SGPL1: variants seen among roughly 807,000 people sequenced by gnomAD.
The protein encoded by SGPL1 is sphingosine-1-phosphate lyase 1.
SGPL1 carries 37 observed loss-of-function variants against 68.9 expected under a neutral mutation model. The observed-to-expected ratio is 0.54, with a 90% CI of 0.41 to 0.71. SGPL1 has a LOEUF of 0.71. Among genes scored for constraint, SGPL1 ranks in the 30% least tolerant of loss-of-function variants. SGPL1 has a pLI of 0.00. For synonymous variants in SGPL1, 236 were observed against 248.5 expected, an observed-to-expected ratio of 0.95 and a Z score of 0.47; for missense variants, 551 against 704.6, an observed-to-expected ratio of 0.78 and a Z score of 2.47.
chr10:70,847,135 G>GT (rs927059230), intron 3 of SGPL1, among the ~76,000 whole-genome samples: 117 of 148,340 alleles, frequency 7.9e-4, no homozygotes, highest in Admixed American at 2.4e-3. Context: ...GCCATTTGAG[G>GT]TTTTTTTTTT....
At chr10:70,824,098 C>G (rs1025066375) in intron 2 of SGPL1, among the ~76,000 whole-genome samples, 1 of 152,180 alleles carries the variant, frequency 6.6e-6, no homozygotes, top group Non-Finnish European at 1.5e-5. Flanking sequence ...CTGTTCCTAT[C>G]AAAAGACCAT....
rs1157177608 is a variant in SGPL1, at chr10:70,826,228, A to C, written c.27+9348A>C. On this transcript the variant is annotated intron_variant, in intron 2 of 14. Coordinates refer to ENST00000373202, the MANE Select transcript of SGPL1 (RefSeq NM_003901.4). ...CAATACAATACAACACAACACAACA[A>C]TACAATACAATACAGTACTACAGTA... is the stretch of plus-strand genomic sequence containing the variant. Among the ~76,000 whole-genome samples the C allele has an allele frequency of 2.0e-5, 3 of 152,286 alleles. No individual in the cohort carries two copies. The South Asian group carries it at 6.2e-4, about 32-fold the overall frequency.
intron 12 of SGPL1, among the ~76,000 whole-genome samples, chr10:70,875,066 A>AT (rs750591446): frequency 6.6e-5 from 10 of 152,180 alleles, no homozygotes; most frequent in Admixed American, 1.3e-4. Context: ...TTTTCCAGAA[A>AT]TTTTTTTAGT....
intron 2 of SGPL1, among the ~76,000 whole-genome samples, chr10:70,833,995 G>C (rs1452511154): frequency 1.3e-5 from 2 of 149,498 alleles, no homozygotes; most frequent in African/African-American, 2.6e-5. Context: ...GTAGAGTGAC[G>C]TGACTGGGCC....
chr10:70,873,640 G>C (rs758889896), intron 12 of SGPL1, 51 bp downstream of exon 12: 1 of 1,374,372 alleles, frequency 7.3e-7, no homozygotes, highest in Non-Finnish European at 1.0e-6. Flanking sequence ...TTTTGTCCTA[G>C]TAGGCTCAAG....
At chr10:70,822,921 A>T (rs534841838) in intron 2 of SGPL1, among the ~76,000 whole-genome samples, 61 of 151,972 alleles carry the variant, frequency 4.0e-4, no homozygotes, top group Non-Finnish European at 6.9e-4. Context: ...CACTAAAGAT[A>T]ATCTTCATCT....
intron 2 of SGPL1, among the ~76,000 whole-genome samples, chr10:70,835,852 C>G (rs1268293184): frequency 1.3e-5 from 2 of 151,870 alleles, no homozygotes; most frequent in Non-Finnish European, 2.9e-5. Context: ...CTATAGAGAT[C>G]AGTAAAATCA....
At chr10:70,826,185 A>G (rs1845432951) in intron 2 of SGPL1, among the ~76,000 whole-genome samples, 1 of 152,210 alleles carries the variant, frequency 6.6e-6, no homozygotes, top group East Asian at 1.9e-4. Context: ...ACTCTCTCAA[A>G]AAAATTACAA....
At chr10:70,840,191 A>G (rs1845692965) in intron 2 of SGPL1, among the ~76,000 whole-genome samples, 1 of 152,110 alleles carries the variant, frequency 6.6e-6, no homozygotes, top group African/African-American at 2.4e-5. Context: ...TCAAGATTTG[A>G]AAGGGTACTG....
chr10:70,876,613 A>C lies in SGPL1; in HGVS notation c.1518A>C (p.Glu506Asp), dbSNP rs749404241. ...TACAATTCCTAAAGGACATTCGAGA[A>C]TCTGTCACTCAAATCATGAAGAATC... ...VAIQFLKDIR[E>D]SVTQIMKNPK... The change falls in exon 14 of 15, where the codon GAA (glutamate) becomes GAC (aspartate). Residue 506 changes from glutamate (E) to aspartate (D), a missense_variant. By Grantham distance (45) the Glu-to-Asp change is conservative. Transcript: ENST00000373202. 1 of 1,613,500 alleles carries C rather than the reference A, an allele frequency of 6.2e-7. No homozygotes were observed. Among genetic ancestry groups the C allele is most frequent in the Non-Finnish European group, 8.5e-7 (1 of 1,179,406 alleles).
chr10:70,836,782 G>A (rs943846810), intron 2 of SGPL1, among the ~76,000 whole-genome samples: 1 of 151,868 alleles, frequency 6.6e-6, no homozygotes, highest in African/African-American at 2.4e-5. Context: ...TGTAGGGATG[G>A]GAACTTGTTA....
chr10:70,861,498 C>G (rs1035669511), intron 7 of SGPL1, among the ~76,000 whole-genome samples: 1 of 152,166 alleles, frequency 6.6e-6, no homozygotes, highest in Non-Finnish European at 1.5e-5. Context: ...TCACAGCCCT[C>G]GCTCGCTCTC....
At chr10:70,836,710 G>A (rs879892723) in intron 2 of SGPL1, among the ~76,000 whole-genome samples, 1 of 152,006 alleles carries the variant, frequency 6.6e-6, no homozygotes, top group South Asian at 2.1e-4. Flanking sequence ...CAAGTAGCTG[G>A]GACTACAGGA....
In SGPL1 at chr10:70,876,681, T is replaced by C. The variant is rs1311938084; in HGVS notation, c.1566+20T>C. On this transcript the variant is annotated intron_variant, in intron 14 of 14. Coordinates refer to ENST00000373202, the MANE Select transcript of SGPL1 (RefSeq NM_003901.4). ...GGAATGGTAGGGACACTTGGAGTTTTTTTTCTTCTCTTGGAAATTTAGGTG... is the reference window on the plus strand; with the variant it reads ...GGAATGGTAGGGACACTTGGAGTTTCTTTTCTTCTCTTGGAAATTTAGGTG... 2.5e-6 allele frequency: 4 copies of C among 1,601,464 alleles called. No individual in the cohort carries two copies. Among genetic ancestry groups the C allele is most frequent in the Non-Finnish European group, 3.4e-6 (4 of 1,176,056 alleles).
rs74713970 is a variant in SGPL1 at position 70,825,664 on chromosome 10, G to A, written c.27+8784G>A. On this transcript the variant is annotated intron_variant, in intron 2 of 14. Coordinates refer to ENST00000373202, the MANE Select transcript of SGPL1 (RefSeq NM_003901.4). Reference sequence around the variant, plus strand: ...CTGGAGGGCCTTTAAAAGTACTGCAGTCCAGCTTTCTTGCTGCCTAGGAAT... The same window carrying A: ...CTGGAGGGCCTTTAAAAGTACTGCAATCCAGCTTTCTTGCTGCCTAGGAAT... 3.3e-3 allele frequency among the ~76,000 whole-genome samples: 500 copies of A among 152,254 alleles called. 17 individuals are homozygous for A. The East Asian group carries it at 0.081, about 25-fold the overall frequency.
chr10:70,860,571 A>C, intron 7 of SGPL1: 1 of 397,358 alleles, frequency 2.5e-6, no homozygotes, highest in Non-Finnish European at 5.0e-6. Flanking sequence ...TACTGAGGTG[A>C]ACAGGGTGAC....
chr10:70,830,287 C>A (rs557432638), intron 2 of SGPL1, among the ~76,000 whole-genome samples: 7 of 152,238 alleles, frequency 4.6e-5, no homozygotes, highest in African/African-American at 1.4e-4. Flanking sequence ...AGGACATTTT[C>A]CAAAGAAACC....
At chr10:70,833,410 G>A (rs192192925) in intron 2 of SGPL1, among the ~76,000 whole-genome samples, 39 of 152,278 alleles carry the variant, frequency 2.6e-4, no homozygotes, top group Admixed American at 8.5e-4. Flanking sequence ...TTCCTCAAAC[G>A]TTTCTCACAG....
intron 4 of SGPL1, among the ~76,000 whole-genome samples, chr10:70,852,093 G>T (rs142030917): frequency 6.6e-6 from 1 of 152,162 alleles, no homozygotes; most frequent in South Asian, 2.1e-4. Context: ...ATGAGTCCTT[G>T]GAATCTTCAT....
Sources: gnomAD v4.1 joint callset for allele counts (sites outside exome capture counted in the v4.1 genomes callset) on GRCh38, gnomAD v4.1.1 for gene constraint, MANE v1.5 for transcripts, NCBI Gene and HGNC (gene_info 2026-07-23, HGNC 2026-07-21) for gene names.